AKT1: variants seen among roughly 807,000 people sequenced by gnomAD.
AKT1 encodes the protein AKT serine/threonine kinase 1, also known as RAC-alpha serine/threonine-protein kinase.
A neutral mutation model predicts 63.1 loss-of-function variants in AKT1; 21 were observed. The observed-to-expected ratio is 0.33, with a 90% CI of 0.24 to 0.48. AKT1 has a LOEUF of 0.48. AKT1 is among the 20% of genes least tolerant of loss of function. AKT1 has a pLI of 0.99. For missense variants in AKT1, 382 were observed against 666.0 expected (o/e 0.57, Z 4.69); for synonymous variants, 257 against 253.1 (o/e 1.02, Z -0.15).
rs1893850128 is a variant in AKT1, at chr14:104,795,523, G to A, written c.-297C>T. ...CGGGCGCGAGCGCGGGCCTAGCCGG[G>A]CCGCGGCCTCCGGCGCCCGCCGCTC... On this transcript the variant is annotated 5_prime_UTR_variant, in exon 1 of 15. Transcript: ENST00000649815. The surrounding 1 kb of genome is among the most constrained non-coding windows in gnomAD (Gnocchi z 5.1). 1 of 145,870 alleles carries A rather than the reference G, an allele frequency of 6.9e-6. No individual in the cohort carries two copies. The highest frequency in any genetic ancestry group is 1.5e-5 in the Non-Finnish European group (1 of 65,680). The allele number at this position is 145,870 out of a possible 1,614,324, so 9.0% of individuals were successfully genotyped here.
At position 104,785,696 on chromosome 14, in the gene AKT1, G is replaced by A. The variant is rs944176390; in HGVS notation, c.47-5480C>T. On this transcript the variant is annotated intron_variant, in intron 3 of 14. Coordinates refer to ENST00000649815, the MANE Select transcript of AKT1 (RefSeq NM_001382430.1). ...GACCCCAGGTCCTGCCGCCAAGGCA[G>A]GGGTTGTAACTTGACACAAACTGCA... 4.7e-4 allele frequency among the ~76,000 whole-genome samples: 72 copies of A among 152,170 alleles called. 1 individual carries two copies. Among genetic ancestry groups the A allele is most frequent in the African/African-American group, 1.7e-3 (69 of 41,434 alleles).
intron 4 of AKT1, chr14:104,777,650 A>G (rs1892806985): frequency 4.1e-6 from 4 of 987,004 alleles, no homozygotes; most frequent in Middle Eastern, 5.2e-4. Context: ...GAGTGAGTGG[A>G]GTGTGTAGCC....
Position 104,775,135 on chromosome 14 carries a change from TCTC to T in AKT1, c.505_507del (p.Glu169del). 1.2e-6 allele frequency: 2 copies of T among 1,614,064 alleles called. No individual in the cohort carries two copies. Among genetic ancestry groups the T allele is most frequent in the Non-Finnish European group, 1.7e-6 (2 of 1,180,016 alleles). On this transcript the variant is annotated inframe_deletion, in exon 7 of 15. Coordinates refer to ENST00000649815, the MANE Select transcript of AKT1 (RefSeq NM_001382430.1). ...ATGGCGTAGTAGCGGCCTGTGGCCT[TCTC>T]CTTCACCAGGATCACCTTGCCGAAA...
chr14:104,781,533 G>A (rs1471945839), intron 3 of AKT1, among the ~76,000 whole-genome samples: 1 of 152,138 alleles, frequency 6.6e-6, no homozygotes, highest in Non-Finnish European at 1.5e-5. Context: ...GAGCCACGGG[G>A]GAGTTCTTTA....
intron 6 of AKT1, 156 bp from the exon 7 acceptor site, chr14:104,775,363 A>G: frequency 7.3e-7 from 1 of 1,364,166 alleles, no homozygotes; most frequent in Non-Finnish European, 9.8e-7. Flanking sequence ...CGGGGAGTCC[A>G]GGCTTACAGG....
At chr14:104,770,996 C>T (rs1016867432) in intron 13 of AKT1, 149 bp from the exon 14 acceptor site, 2 of 667,288 alleles carry the variant, frequency 3.0e-6, no homozygotes, top group African/African-American at 1.8e-5. Context: ...ACCAGCCCCC[C>T]ACAGAGGCAG....
At chr14:104,776,025 G>A in intron 5 of AKT1, 1 of 512,368 alleles carries the variant, frequency 2.0e-6, no homozygotes, top group Non-Finnish European at 3.4e-6. Context: ...GCAGGACTCT[G>A]TCCCCACAAC....
chr14:104,775,553 C>G, intron 6 of AKT1, 99 bp downstream of exon 6: 1 of 1,488,020 alleles, frequency 6.7e-7, no homozygotes, highest in Admixed American at 2.0e-5. Flanking sequence ...CCGTGGAGTG[C>G]TGAGTGTCTC....
Position 104,775,225 on chromosome 14 carries a change from G to T in AKT1, c.436-18C>A, listed in dbSNP as rs746274769. Reference sequence around the variant, plus strand: ...TTCATGGTCTATGGGCAGGCACCAGGGTCAGCAAGCGGCGCTGCCAACAGT... The same window carrying T: ...TTCATGGTCTATGGGCAGGCACCAGTGTCAGCAAGCGGCGCTGCCAACAGT... On this transcript the variant is annotated intron_variant, in intron 6 of 14. Transcript: ENST00000649815. The T allele has an allele frequency of 1.6e-5, 26 of 1,612,904 alleles. No individual in the cohort carries two copies. The highest frequency in any genetic ancestry group is 1.6e-4 in the Middle Eastern group (1 of 6,084).
At chr14:104,792,425 G>A (rs542188954) in intron 3 of AKT1, among the ~76,000 whole-genome samples, 173 bp downstream of exon 3, 38 of 152,082 alleles carry the variant, frequency 2.5e-4, no homozygotes, top group Non-Finnish European at 3.8e-4. Context: ...CCCCGAGGCC[G>A]TGCCCTCCAT....
chr14:104,779,880 G>GCCAGCCT (rs1374429641), intron 4 of AKT1, among the ~76,000 whole-genome samples: 73 of 149,772 alleles, frequency 4.9e-4, no homozygotes, highest in African/African-American at 1.4e-3. Flanking sequence ...CTCCCACCCA[G>GCCAGCCT]CCAGCCTCAG....
In AKT1 at chr14:104,780,716, C is replaced by CG. The variant is rs531355356; in HGVS notation, c.47-501_47-500insC. Among the ~76,000 whole-genome samples the CG allele has an allele frequency of 6.7e-3, 1,016 of 152,216 alleles. 9 individuals carry two copies. Among genetic ancestry groups the CG allele is most frequent in the African/African-American group, 0.023 (947 of 41,514 alleles). ...GTGTGGGCTGCCCAGCATGGCCGCC[C>CG]CCCCCGCCCCGCCGCCACCCACCAG... On this transcript the variant is annotated intron_variant, in intron 3 of 14. Transcript: ENST00000649815.
intron 4 of AKT1, chr14:104,777,059 C>T (rs778488482): frequency 2.1e-5 from 8 of 380,906 alleles, no homozygotes; most frequent in South Asian, 6.0e-5. Context: ...TTCCTTCAGT[C>T]TCTGAGCCCC....
intron 4 of AKT1, among the ~76,000 whole-genome samples, chr14:104,778,810 G>A (rs1330397649): frequency 6.6e-6 from 1 of 152,192 alleles, no homozygotes; most frequent in Non-Finnish European, 1.5e-5. Flanking sequence ...AAGAAAGGAG[G>A]GCAGAGCTAC....
At chr14:104,773,646 G>C in intron 9 of AKT1, 66 bp from the exon 10 acceptor site, 1 of 1,549,094 alleles carries the variant, frequency 6.5e-7, no homozygotes, top group Non-Finnish European at 8.7e-7. Flanking sequence ...CTGCAGGGCT[G>C]GGGTTTCTCA....
intron 9 of AKT1, 109 bp from the exon 10 acceptor site, chr14:104,773,689 C>G: frequency 6.8e-7 from 1 of 1,473,528 alleles, no homozygotes; most frequent in South Asian, 1.3e-5. Flanking sequence ...GGGAAGGGAC[C>G]AGCCACCAGA....
At chr14:104,789,412 G>C (rs1893512005) in intron 3 of AKT1, among the ~76,000 whole-genome samples, 1 of 152,244 alleles carries the variant, frequency 6.6e-6, no homozygotes, top group Non-Finnish European at 1.5e-5. Context: ...ACGGCCCCAG[G>C]AGTACTGGGG....
intron 4 of AKT1, chr14:104,777,860 T>C (rs1892824439): frequency 7.9e-6 from 2 of 253,704 alleles, no homozygotes; most frequent in Non-Finnish European, 1.2e-5. Flanking sequence ...GTGGCCTGTG[T>C]CAACACAGGC....
intron 5 of AKT1, chr14:104,776,044 A>T (rs560373549): frequency 1.7e-5 from 7 of 410,322 alleles, no homozygotes; most frequent in Non-Finnish European, 2.6e-5. Flanking sequence ...ACCGGACTCC[A>T]ACCCCCAGCA....
Sources: allele counts gnomAD v4.1 joint callset (sites outside exome capture counted in the v4.1 genomes callset), GRCh38; gene constraint gnomAD v4.1.1; non-coding constraint Gnocchi (gnomAD v3.1); transcripts MANE v1.5; gene names NCBI Gene and HGNC (gene_info 2026-07-23, HGNC 2026-07-21).